DLGAP1: variants seen among roughly 807,000 people sequenced by gnomAD.
The protein encoded by DLGAP1 is disks large-associated protein 1.
In DLGAP1, 11 loss-of-function variants were observed where a neutral mutation model predicts 90.8. The observed-to-expected ratio is 0.12, with a 90% CI of 0.08 to 0.20. The LOEUF (loss-of-function observed/expected upper bound fraction) is 0.20. Ranked by LOEUF, DLGAP1 falls within the 10% of genes least tolerant of loss-of-function variation. DLGAP1 has a pLI of 1.00. For synonymous variants in DLGAP1, 558 were observed against 540.7 expected (o/e 1.03, Z -0.44); for missense variants, 1,050 against 1,333.8 (o/e 0.79, Z 3.31).
Position 3,624,176 on chromosome 18 carries a change from A to G in DLGAP1, c.1592-41928T>C, listed in dbSNP as rs374292196. 4.6e-5 allele frequency among the ~76,000 whole-genome samples: 7 copies of G among 152,256 alleles called. No individual in the cohort carries two copies. The East Asian group carries it at 9.7e-4, about 21-fold the overall frequency. On this transcript the variant is annotated intron_variant, in intron 7 of 12. Coordinates refer to ENST00000315677, the MANE Select transcript of DLGAP1 (RefSeq NM_004746.4). Reference sequence around the variant, plus strand: ...ATGACACAGAGCATGAGCCTGTCCAACGGTTGGCCTGTGCGTCAACCTCTG... The same window carrying G: ...ATGACACAGAGCATGAGCCTGTCCAGCGGTTGGCCTGTGCGTCAACCTCTG...
chr18:4,117,814 G>T (rs907990225), intron 2 of DLGAP1, among the ~76,000 whole-genome samples: 1 of 152,142 alleles, frequency 6.6e-6, no homozygotes, highest in African/African-American at 2.4e-5. Flanking sequence ...TGCTTTCCTA[G>T]GAGTTGCCTC....
Position 4,309,324 on chromosome 18 carries a change from G to A in DLGAP1, c.-267+145682C>T, listed in dbSNP as rs1192011176. On this transcript the variant is annotated intron_variant, in intron 1 of 12. Coordinates refer to ENST00000315677, the MANE Select transcript of DLGAP1 (RefSeq NM_004746.4). ...CAATAGCACTAAATATATGGCGGAAGATAAGCCAGTGCTGAATTTTGTGGG... is the reference window on the plus strand; with the variant it reads ...CAATAGCACTAAATATATGGCGGAAAATAAGCCAGTGCTGAATTTTGTGGG... 2.0e-5 allele frequency among the ~76,000 whole-genome samples: 3 copies of A among 152,190 alleles called. No homozygotes were observed. In the East Asian group the frequency reaches 5.8e-4, roughly 29 times the overall value.
intron 7 of DLGAP1, among the ~76,000 whole-genome samples, chr18:3,669,200 C>T (rs2059991712): frequency 6.6e-6 from 1 of 151,922 alleles, no homozygotes; most frequent in South Asian, 2.1e-4. Flanking sequence ...TTATTTTGCA[C>T]TGCATCTTTA....
rs377064908 is a variant in DLGAP1 at position 3,660,523 on chromosome 18, T to C, written c.1591+68612A>G. On this transcript the variant is annotated intron_variant, in intron 7 of 12. Transcript: ENST00000315677. The surrounding 1 kb of genome is among the most constrained non-coding windows in gnomAD (Gnocchi z 4.2). ...AAATATTTACTGAATGAAAAGGTGATCATTCCCGAGTATCCTCAAGGAGGA... is the reference window on the plus strand; with the variant it reads ...AAATATTTACTGAATGAAAAGGTGACCATTCCCGAGTATCCTCAAGGAGGA... 1.3e-5 allele frequency among the ~76,000 whole-genome samples: 2 copies of C among 152,358 alleles called. No homozygotes were observed. Among genetic ancestry groups the C allele is most frequent in the Admixed American group, 1.3e-4 (2 of 15,306 alleles).
At chr18:4,000,067 G>A (rs907096711) in intron 3 of DLGAP1, among the ~76,000 whole-genome samples, 6 of 152,026 alleles carry the variant, frequency 3.9e-5, no homozygotes, top group Non-Finnish European at 5.9e-5. Flanking sequence ...CTCCCACCTC[G>A]GCCTCCCACA....
At chr18:3,898,052 C>T (rs1322114292) in intron 3 of DLGAP1, among the ~76,000 whole-genome samples, 5 of 152,244 alleles carry the variant, frequency 3.3e-5, no homozygotes, top group East Asian at 1.9e-4. Context: ...CCTTGGCCTC[C>T]CAAAGTGCTG....
At chr18:3,953,243 A>T (rs2073023140) in intron 3 of DLGAP1, among the ~76,000 whole-genome samples, 1 of 152,314 alleles carries the variant, frequency 6.6e-6, no homozygotes, top group Middle Eastern at 3.4e-3. Context: ...CATATATTGT[A>T]TAGTGGTGGA....
At chr18:4,272,752 T>C (rs984564634) in intron 1 of DLGAP1, among the ~76,000 whole-genome samples, 2 of 152,204 alleles carry the variant, frequency 1.3e-5, no homozygotes, top group African/African-American at 4.8e-5. Context: ...AAATATATGT[T>C]CAAGTGCTAA....
At chr18:4,355,693 G>A (rs2081495683) in intron 1 of DLGAP1, among the ~76,000 whole-genome samples, 1 of 145,272 alleles carries the variant, frequency 6.9e-6, no homozygotes, top group African/African-American at 2.5e-5. Flanking sequence ...AGTTACACAA[G>A]TTATCTTCGG....
intron 1 of DLGAP1, among the ~76,000 whole-genome samples, chr18:4,158,700 CTTAAT>C (rs1296513603): frequency 1.3e-5 from 2 of 152,132 alleles, no homozygotes; most frequent in Admixed American, 6.5e-5. Context: ...TCCCCCAGCT[CTTAAT>C]TTAATTTGAT....
intron 7 of DLGAP1, among the ~76,000 whole-genome samples, chr18:3,586,730 A>G (rs1206701215): frequency 3.3e-5 from 5 of 152,148 alleles, no homozygotes; most frequent in Admixed American, 3.3e-4. Context: ...AAACTCATAC[A>G]ACGAAATCCT....
In DLGAP1 at chr18:4,450,152, C is replaced by T. The variant is rs116515205; in HGVS notation, c.-267+4854G>A. Reference sequence around the variant, plus strand: ...GAATGGTTGTTTGCAAAGTCTGAGACAAGATCAAAATGCCATTTTCCTCTG... The same window carrying T: ...GAATGGTTGTTTGCAAAGTCTGAGATAAGATCAAAATGCCATTTTCCTCTG... On this transcript the variant is annotated intron_variant, in intron 1 of 12. Transcript: ENST00000315677. 4.6e-3 allele frequency among the ~76,000 whole-genome samples: 695 copies of T among 152,226 alleles called. 7 individuals carry two copies. Among genetic ancestry groups the T allele is most frequent in the African/African-American group, 0.016 (659 of 41,536 alleles).
chr18:3,587,888 G>A (rs1184296767), intron 7 of DLGAP1, among the ~76,000 whole-genome samples: 1 of 152,202 alleles, frequency 6.6e-6, no homozygotes, highest in Non-Finnish European at 1.5e-5. Flanking sequence ...TCCAGACACA[G>A]AATGACGTTC....
At chr18:4,223,414 A>G (rs529062891) in intron 1 of DLGAP1, among the ~76,000 whole-genome samples, 4 of 152,314 alleles carry the variant, frequency 2.6e-5, no homozygotes, top group Admixed American at 6.5e-5. Context: ...TTAGTCTACA[A>G]TTATGTACCA....
intron 1 of DLGAP1, among the ~76,000 whole-genome samples, chr18:4,429,766 T>C (rs1282286805): frequency 1.3e-5 from 2 of 150,418 alleles, no homozygotes; most frequent in African/African-American, 4.9e-5. Context: ...CAGTTGATAA[T>C]AGAAAAAAAA....
At position 4,446,000 on chromosome 18, in the gene DLGAP1, G is replaced by C. The variant is rs143661615; in HGVS notation, c.-267+9006C>G. 3.2e-4 allele frequency among the ~76,000 whole-genome samples: 48 copies of C among 152,136 alleles called. No homozygotes were observed. The East Asian group carries it at 5.0e-3, about 16-fold the overall frequency. On this transcript the variant is annotated intron_variant, in intron 1 of 12. Coordinates refer to ENST00000315677, the MANE Select transcript of DLGAP1 (RefSeq NM_004746.4). ...TGAGGCTCCTTGTCCTAGTCTCTAG[G>C]AGCAGCCACTGTTAACAATTCATCA...
At chr18:4,082,383 C>T (rs1213135104) in intron 2 of DLGAP1, among the ~76,000 whole-genome samples, 1 of 146,862 alleles carries the variant, frequency 6.8e-6, no homozygotes, top group African/African-American at 2.5e-5. Flanking sequence ...TGGTGGCGCA[C>T]ACCTGTAATC....
intron 2 of DLGAP1, among the ~76,000 whole-genome samples, chr18:4,085,370 T>G (rs1424804165): frequency 6.6e-6 from 1 of 152,226 alleles, no homozygotes; most frequent in Non-Finnish European, 1.5e-5. Context: ...GGAATCTGCT[T>G]CCTTTTCAGC....
At chr18:3,545,146 T>C (rs756321457) in intron 9 of DLGAP1, among the ~76,000 whole-genome samples, 15 of 151,754 alleles carry the variant, frequency 9.9e-5, no homozygotes, top group Admixed American at 6.6e-4. Context: ...TGGTGGCAGA[T>C]GCCTATAATC....
Sources: allele counts gnomAD v4.1 joint callset (sites outside exome capture counted in the v4.1 genomes callset), GRCh38; gene constraint gnomAD v4.1.1; non-coding constraint Gnocchi (gnomAD v3.1); transcripts MANE v1.5; gene names NCBI Gene and HGNC (gene_info 2026-07-23, HGNC 2026-07-21).